Variants in WASHC2C observed in about 807,000 individuals in gnomAD.
WASHC2C encodes the protein WASH complex subunit 2C, also known as Vaccinia Penetration Factor.
Under a neutral mutation model 142.2 loss-of-function variants are expected in WASHC2C, and 73 were observed. That is an observed-to-expected ratio of 0.51 (90% CI 0.43 to 0.62). The LOEUF (loss-of-function observed/expected upper bound fraction) is 0.62. Among genes scored for constraint, WASHC2C ranks in the 20% least tolerant of loss-of-function variants. WASHC2C has a pLI of 0.00. For missense variants in WASHC2C, 969 were observed against 1,531.7 expected (o/e 0.63, Z 6.13); for synonymous variants, 337 against 565.5 (o/e 0.60, Z 5.73).
At chr10:45,779,492 G>A (rs1222185288) in intron 23 of WASHC2C, among the ~76,000 whole-genome samples, 1 of 152,226 alleles carries the variant, frequency 6.6e-6, no homozygotes, top group East Asian at 1.9e-4. Context: ...AAGAAAAAGT[G>A]TTGTAGATGA....
At chr10:45,759,684 T>C (rs1165091775) in intron 17 of WASHC2C, among the ~76,000 whole-genome samples, 4 of 152,012 alleles carry the variant, frequency 2.6e-5, no homozygotes, top group Non-Finnish European at 4.4e-5. Flanking sequence ...CCGGGTATGG[T>C]GGTGCGAGCC....
Position 45,755,099 on chromosome 10 carries a change from C to T in WASHC2C, c.1404C>T (p.Ser468=). ...ACGACTTTTTCTCGGCACCCCACAG[C>T]AAACCTTCTAAAACACGTATGTGTT... The part of the protein sequence containing the change: ...DDDDFFSAPH[S]KPSKTRKVQS... Residue 468 remains serine (S), a synonymous_variant, in exon 15 of 31, where the codon AGC becomes AGT. Coordinates refer to ENST00000623400, the MANE Select transcript of WASHC2C (RefSeq NM_001330074.2). The T allele has an allele frequency of 6.2e-7, 1 of 1,609,234 alleles. No individual in the cohort carries two copies. Among genetic ancestry groups the T allele is most frequent in the Non-Finnish European group, 8.5e-7 (1 of 1,178,688 alleles).
chr10:45,784,317 C>CATATATATAT (rs2057862508), intron 23 of WASHC2C, among the ~76,000 whole-genome samples: 1 of 57,362 alleles, frequency 1.7e-5, no homozygotes, highest in African/African-American at 6.1e-5. Flanking sequence ...TATATACACA[C>CATATATATAT]ACATATATAT....
At chr10:45,790,696 T>C (rs2058345170) in intron 30 of WASHC2C, among the ~76,000 whole-genome samples, 163 bp downstream of exon 30, 1 of 152,186 alleles carries the variant, frequency 6.6e-6, no homozygotes, top group African/African-American at 2.4e-5. Context: ...GATGGACTAA[T>C]TATTTTAGTG....
chr10:45,741,641 T>C (rs1368185109), intron 5 of WASHC2C, among the ~76,000 whole-genome samples: 2 of 152,162 alleles, frequency 1.3e-5, no homozygotes, highest in African/African-American at 2.4e-5. Context: ...TTTCTGTTGT[T>C]GTGTGAAACG....
chr10:45,746,333 G>A (rs1380232865), intron 7 of WASHC2C, among the ~76,000 whole-genome samples: 2 of 151,176 alleles, frequency 1.3e-5, no homozygotes, highest in African/African-American at 4.9e-5. Context: ...GAAAGTGCAG[G>A]TGATGTGAAC....
At position 45,746,662 on chromosome 10, in the gene WASHC2C, T is replaced by C; in HGVS notation, c.732+15T>C. The C allele has an allele frequency of 6.2e-7, 1 of 1,612,952 alleles. No individual in the cohort carries two copies. Among genetic ancestry groups the C allele is most frequent in the Non-Finnish European group, 8.5e-7 (1 of 1,179,178 alleles). ...AACAAAACCAGGTAAGGCTCATATA[T>C]TGAAATGACTTTGTTTTTACATTTT... is the stretch of plus-strand genomic sequence containing the variant. On this transcript the variant is annotated intron_variant, in intron 8 of 30. Transcript: ENST00000623400.
rs782302036 is a variant in WASHC2C at position 45,769,631 on chromosome 10, T to G, written c.2039+13T>G. 1.2e-6 allele frequency: 2 copies of G among 1,611,852 alleles called. No homozygotes were observed. Among genetic ancestry groups the G allele is most frequent in the South Asian group, 2.2e-5 (2 of 90,982 alleles). ...TTGCCAAGGACAGGTGAGATAGTCA[T>G]TGGAAGGAGTCCCTCACTCCATTAC... On this transcript the variant is annotated intron_variant, in intron 20 of 30. Transcript: ENST00000623400.
chr10:45,727,425 G>T lies in WASHC2C; in HGVS notation c.12G>T (p.Arg4=), dbSNP rs1438391420. MMN[R]TTPDQELVPA... is the part of the protein sequence containing the mutation. ...CGTTTTTTTCGCTGCAGATGAACCG[G>T]ACGACCCCCGACCAGGAGCTGGTGC... Residue 4 remains arginine, a synonymous_variant, in exon 2 of 31, where the codon CGG becomes CGT. Transcript: ENST00000623400. The T allele has an allele frequency of 1.2e-6, 2 of 1,611,464 alleles. No homozygotes were observed. Among genetic ancestry groups the T allele is most frequent in the Non-Finnish European group, 1.7e-6 (2 of 1,179,470 alleles).
chr10:45,745,210 G>C (rs879952972), intron 7 of WASHC2C, among the ~76,000 whole-genome samples: 23 of 152,048 alleles, frequency 1.5e-4, no homozygotes, highest in Non-Finnish European at 2.6e-4. Context: ...TATAGTCTTT[G>C]AGTATATTCC....
At chr10:45,762,359 C>T (rs1554880333) in intron 17 of WASHC2C, among the ~76,000 whole-genome samples, 2 of 151,926 alleles carry the variant, frequency 1.3e-5, no homozygotes, top group African/African-American at 4.8e-5. Flanking sequence ...ATAACAGGCA[C>T]CCACCACCAC....
Position 45,789,086 on chromosome 10 carries a change from A to C in WASHC2C, c.3303A>C (p.Ala1101=), listed in dbSNP as rs1447253207. 14 of 1,611,954 alleles carry C rather than the reference A, an allele frequency of 8.7e-6. No homozygotes were observed. Among genetic ancestry groups the C allele is most frequent in the Admixed American group, 1.7e-5 (1 of 60,004 alleles). The change falls in exon 29 of 31, where the codon GCA becomes GCC. Residue 1101 remains alanine (A), a synonymous_variant. Transcript: ENST00000623400. ...AGGAGGCCCTGGCAGCTGCCGCTGCACCTTGGGAAGGTGGTCCTGTGCCTG... is the reference window on the plus strand; with the variant it reads ...AGGAGGCCCTGGCAGCTGCCGCTGCCCCTTGGGAAGGTGGTCCTGTGCCTG... ...STEEALAAAA[A]PWEGGPVPGV...
chr10:45,747,052 T>A (rs535192959), intron 8 of WASHC2C, among the ~76,000 whole-genome samples: 12 of 152,370 alleles, frequency 7.9e-5, no homozygotes, highest in African/African-American at 2.9e-4. Context: ...ATCTTAATTT[T>A]TGAATATCTA....
Position 45,751,464 on chromosome 10 carries a change from T to C in WASHC2C, c.932-18T>C. 7.6e-7 allele frequency: 1 copy of C among 1,317,942 alleles called. No individual in the cohort carries two copies. The highest frequency in any genetic ancestry group is 1.1e-6 in the Non-Finnish European group (1 of 950,124). 81.6% of individuals were successfully genotyped at this position (1,317,942 alleles called of 1,614,324 possible). A position where few individuals can be genotyped will look rare whatever the true frequency, so the allele number is the denominator to read the frequency against. ...AGGGAGGACTTAGTACTATTAAAAC[T>C]GTGAACTGTTCTTCAAGCCTTACCC... On this transcript the variant is annotated intron_variant, in intron 10 of 30. Coordinates refer to ENST00000623400, the MANE Select transcript of WASHC2C (RefSeq NM_001330074.2).
chr10:45,759,806 G>A (rs1427752722), intron 17 of WASHC2C, among the ~76,000 whole-genome samples: 8 of 152,090 alleles, frequency 5.3e-5, no homozygotes, highest in African/African-American at 7.2e-5. Context: ...GCGACAGAGC[G>A]AGACTTCATC....
chr10:45,762,033 G>A (rs1161263147), intron 17 of WASHC2C, among the ~76,000 whole-genome samples: 1 of 150,610 alleles, frequency 6.6e-6, no homozygotes, highest in Non-Finnish European at 1.5e-5. Flanking sequence ...ACTGTCCAAA[G>A]AGGTCTTAGA....
intron 15 of WASHC2C, among the ~76,000 whole-genome samples, chr10:45,756,098 AGTG>A (rs2054250904): frequency 1.4e-5 from 2 of 142,562 alleles, no homozygotes; most frequent in Middle Eastern, 6.9e-3. Flanking sequence ...TGAAGGTAGT[AGTG>A]CTTTTTGTAG....
In WASHC2C at chr10:45,750,787, G is replaced by C; in HGVS notation, c.880G>C (p.Ala294Pro). 1 of 1,548,956 alleles carries C rather than the reference G, an allele frequency of 6.5e-7. No homozygotes were observed. Among genetic ancestry groups the C allele is most frequent in the South Asian group, 1.2e-5 (1 of 83,944 alleles). The change falls in exon 10 of 31, where the codon GCT becomes CCT. Residue 294 changes from alanine to proline, a missense_variant. Coordinates refer to ENST00000623400, the MANE Select transcript of WASHC2C (RefSeq NM_001330074.2). Reference protein sequence around the residue: ...SRPTSFADELAARIKGDAMGR... With the variant: ...SRPTSFADELPARIKGDAMGR... ...ACCTACATCGTTTGCAGATGAGCTG[G>C]CTGCCCGCATCAAGGGGGATGCCAT...
intron 13 of WASHC2C, among the ~76,000 whole-genome samples, chr10:45,754,089 C>T (rs1589723931): frequency 6.6e-6 from 1 of 151,832 alleles, no homozygotes; most frequent in South Asian, 2.1e-4. Context: ...ACTGATGACT[C>T]ACATGTTTTT....
Sources: gnomAD v4.1 joint callset for allele counts (sites outside exome capture counted in the v4.1 genomes callset) on GRCh38, gnomAD v4.1.1 for gene constraint, MANE v1.5 for transcripts, NCBI Gene and HGNC (gene_info 2026-07-23, HGNC 2026-07-21) for gene names.